SMPD2: variants seen among roughly 807,000 people sequenced by gnomAD.
SMPD2 encodes the protein N-SMase.
SMPD2 carries 35 observed loss-of-function variants against 41.7 expected under a neutral mutation model. The observed-to-expected ratio is 0.84, with a 90% CI of 0.64 to 1.11. SMPD2 has a LOEUF of 1.11. Among genes scored for constraint, SMPD2 ranks in the 50% most tolerant of loss-of-function variants. The probability of loss-of-function intolerance (pLI) is 0.00; values close to 1 mark genes in which losing one functional copy is unlikely to be tolerated. For synonymous variants in SMPD2, 201 were observed against 208.2 expected, an observed-to-expected ratio of 0.97 and a Z score of 0.30; for missense variants, 520 against 524.8, an observed-to-expected ratio of 0.99 and a Z score of 0.09.
At chr6:109,442,339 C>A in intron 5 of SMPD2, 40 bp downstream of exon 5, 1 of 1,573,098 alleles carries the variant, frequency 6.4e-7, no homozygotes, top group Non-Finnish European at 8.8e-7. Flanking sequence ...GGACATGCAG[C>A]CCAGTCCTGG....
intron 3 of SMPD2, 56 bp downstream of exon 3, chr6:109,441,684 C>A: frequency 6.7e-7 from 1 of 1,486,822 alleles, no homozygotes; most frequent in Non-Finnish European, 9.4e-7. Context: ...CTTGGCCCTG[C>A]CAGCCCTTCC....
In SMPD2 at chr6:109,440,914, G is replaced by A. The variant is rs1353418255; in HGVS notation, c.-208G>A. 23 of 574,426 alleles carry A rather than the reference G, an allele frequency of 4.0e-5. No homozygotes were observed. In the East Asian group the frequency reaches 6.4e-4, roughly 16 times the overall value. 35.6% of individuals were successfully genotyped at this position (574,426 alleles called of 1,614,324 possible). The stretch of plus-strand genomic sequence containing the variant: ...CAGCGGATCGCCTTTCCGGGTTGGC[G>A]GCCCGCCTGATTGGGAACAGCCGGC... On this transcript the variant is annotated 5_prime_UTR_variant, in exon 1 of 10. Transcript: ENST00000258052.
chr6:109,441,712 T>C, intron 3 of SMPD2, 84 bp downstream of exon 3: 1 of 1,205,628 alleles, frequency 8.3e-7, no homozygotes. Flanking sequence ...GCCTGCACTC[T>C]CCAGTCTCCT....
At position 109,442,523 on chromosome 6, in the gene SMPD2, A is replaced by G. The variant is rs1421277319; in HGVS notation, c.409-20A>G. ...GGGACCCTCAGTCTTATCTGCTGTGATCTCATCTATCTTGCTCAGCTCCAT... is the reference window on the plus strand; with the variant it reads ...GGGACCCTCAGTCTTATCTGCTGTGGTCTCATCTATCTTGCTCAGCTCCAT... On this transcript the variant is annotated intron_variant, in intron 5 of 9. Coordinates refer to ENST00000258052, the MANE Select transcript of SMPD2 (RefSeq NM_003080.3). 6.3e-7 allele frequency: 1 copy of G among 1,597,332 alleles called. No homozygotes were observed. Among genetic ancestry groups the G allele is most frequent in the Non-Finnish European group, 8.6e-7 (1 of 1,168,230 alleles).
chr6:109,442,599 A>T lies in SMPD2; in HGVS notation c.465A>T (p.Gln155His). The change falls in exon 6 of 10, where the codon CAA (glutamine) becomes CAT (histidine). Residue 155 changes from glutamine to histidine, a missense_variant. Physicochemically the swap from Gln to His is conservative, Grantham distance 24. Coordinates refer to ENST00000258052, the MANE Select transcript of SMPD2 (RefSeq NM_003080.3). ...KDIYLAHRVA[Q>H]AWELAQFIHH... ...TCTACCTAGCACATCGTGTGGCCCAAGCTTGGGAATTGGCCCAGTTCATCC... is the reference window on the plus strand; with the variant it reads ...TCTACCTAGCACATCGTGTGGCCCATGCTTGGGAATTGGCCCAGTTCATCC... 1.2e-6 allele frequency: 2 copies of T among 1,614,172 alleles called. No homozygotes were observed. Among genetic ancestry groups the T allele is most frequent in the Non-Finnish European group, 1.7e-6 (2 of 1,180,024 alleles).
At chr6:109,441,929 G>A in intron 3 of SMPD2, 45 bp from the exon 4 acceptor site, 1 of 1,539,082 alleles carries the variant, frequency 6.5e-7, no homozygotes, top group Non-Finnish European at 9.0e-7. Flanking sequence ...AAGGCTGGGT[G>A]TCTCTCCCTG....
Position 109,442,068 on chromosome 6 carries a change from G to C in SMPD2, c.318+1G>C. 1 of 1,609,944 alleles carries C rather than the reference G, an allele frequency of 6.2e-7. No individual in the cohort carries two copies. Among genetic ancestry groups the C allele is most frequent in the Non-Finnish European group, 8.5e-7 (1 of 1,176,220 alleles). On this transcript the variant is annotated splice_donor_variant, in intron 4 of 9. Transcript: ENST00000258052. LOFTEE classifies it high-confidence loss of function. ...CACTCTCAATGGCTACCCCTACATG[G>C]TAAGGCAGACCTTTGACCTCTTCCA...
intron 8 of SMPD2, 64 bp downstream of exon 8, chr6:109,443,145 A>G: frequency 1.3e-6 from 2 of 1,551,290 alleles, no homozygotes; most frequent in East Asian, 2.2e-5. Flanking sequence ...ACCTGTGTAG[A>G]TCCTTTGCTC....
rs936687711 is a variant in SMPD2, at chr6:109,440,865, C to G, written c.-257C>G. 7 of 531,502 alleles carry G rather than the reference C, an allele frequency of 1.3e-5. No homozygotes were observed. Among genetic ancestry groups the G allele is most frequent in the East Asian group, 3.5e-5 (1 of 28,812 alleles). 32.9% of individuals were successfully genotyped at this position (531,502 alleles called of 1,614,324 possible). A position where few individuals can be genotyped will look rare whatever the true frequency, so the allele number is the denominator to read the frequency against. On this transcript the variant is annotated 5_prime_UTR_variant, in exon 1 of 10. Transcript: ENST00000258052. The stretch of plus-strand genomic sequence containing the variant: ...CAGGGTCCTAGCGCGCGGCCCTTAC[C>G]GAGCCTGGGCGCCCGGATTTCGGCA...
chr6:109,440,827 C>A lies in SMPD2; in HGVS notation c.-295C>A. 2.6e-6 allele frequency: 1 copy of A among 389,124 alleles called. No individual in the cohort carries two copies. Among genetic ancestry groups the A allele is most frequent in the Non-Finnish European group, 4.5e-6 (1 of 223,218 alleles). The allele number at this position is 389,124 out of a possible 1,614,324, so 24.1% of individuals were successfully genotyped here. ...ACCGGGAGCCGCCCACCCGGGGGCGCTCTCCGGACCCCCAGGGTCCTAGCG... is the reference window on the plus strand; with the variant it reads ...ACCGGGAGCCGCCCACCCGGGGGCGATCTCCGGACCCCCAGGGTCCTAGCG... On this transcript the variant is annotated 5_prime_UTR_variant, in exon 1 of 10. Transcript: ENST00000258052.
chr6:109,443,396 C>G lies in SMPD2; in HGVS notation c.859C>G (p.Gln287Glu). 1 of 1,614,142 alleles carries G rather than the reference C, an allele frequency of 6.2e-7. No individual in the cohort carries two copies. The highest frequency in any genetic ancestry group is 8.5e-7 in the Non-Finnish European group (1 of 1,180,020). ...TCTGTTTGTGAGGCACAGCCCCCCACAGCAGAACCCCAGCTCTACCCACGG... is the reference window on the plus strand; with the variant it reads ...TCTGTTTGTGAGGCACAGCCCCCCAGAGCAGAACCCCAGCTCTACCCACGG... ...ATLFVRHSPP[Q>E]QNPSSTHGPA... Residue 287 changes from glutamine (Q) to glutamate (E), a missense_variant, in exon 9 of 10, where the codon CAG becomes GAG. Gln to Glu is a conservative substitution (Grantham distance 29). Transcript: ENST00000258052.
At position 109,440,880 on chromosome 6, in the gene SMPD2, G is replaced by C. The variant is rs1041836725; in HGVS notation, c.-242G>C. 4 of 542,068 alleles carry C rather than the reference G, an allele frequency of 7.4e-6. No individual in the cohort carries two copies. Among genetic ancestry groups the C allele is most frequent in the African/African-American group, 2.0e-5 (1 of 48,994 alleles). The allele number at this position is 542,068 out of a possible 1,614,324, so 33.6% of individuals were successfully genotyped here. On this transcript the variant is annotated 5_prime_UTR_variant, in exon 1 of 10. Coordinates refer to ENST00000258052, the MANE Select transcript of SMPD2 (RefSeq NM_003080.3). The stretch of plus-strand genomic sequence containing the variant: ...CGGCCCTTACCGAGCCTGGGCGCCC[G>C]GATTTCGGCAGCGGATCGCCTTTCC...
In SMPD2 at chr6:109,443,055, G is replaced by A. The variant is rs1395284204; in HGVS notation, c.703G>A (p.Val235Ile). ...QQELKPFPFG[V>I]RIDYVLYKAV... The stretch of plus-strand genomic sequence containing the variant: ...GGAGCTGAAGCCATTTCCCTTTGGT[G>A]TCCGCATTGACTACGTGCTTTACAA... Residue 235 changes from valine (V) to isoleucine (I), a missense_variant, in exon 8 of 10, where the codon GTC becomes ATC. Val to Ile is a conservative substitution (Grantham distance 29). Transcript: ENST00000258052. 1 of 1,614,154 alleles carries A rather than the reference G, an allele frequency of 6.2e-7. No homozygotes were observed. Among genetic ancestry groups the A allele is most frequent in the Admixed American group, 1.7e-5 (1 of 60,032 alleles).
Position 109,441,876 on chromosome 6 carries a change from G to A in SMPD2, c.225-98G>A, listed in dbSNP as rs1271787107. The A allele has an allele frequency of 2.5e-6, 3 of 1,205,882 alleles. No homozygotes were observed. In the African/African-American group the frequency reaches 4.5e-5, roughly 18 times the overall value. The allele number at this position is 1,205,882 out of a possible 1,614,324, so 74.7% of individuals were successfully genotyped here. ...AGGGCTAGTCCCAGCAGTAGAAAAA[G>A]AAAAAAATAGCTGATCAGAGCTGGA... On this transcript the variant is annotated intron_variant, in intron 3 of 9. Transcript: ENST00000258052.
rs926515094 is a variant in SMPD2 at position 109,441,011 on chromosome 6, G to A, written c.-111G>A. 4 of 1,116,158 alleles carry A rather than the reference G, an allele frequency of 3.6e-6. No individual in the cohort carries two copies. Among genetic ancestry groups the A allele is most frequent in the Non-Finnish European group, 5.3e-6 (4 of 757,116 alleles). The allele number at this position is 1,116,158 out of a possible 1,614,324, so 69.1% of individuals were successfully genotyped here. A position where few individuals can be genotyped will look rare whatever the true frequency, so the allele number is the denominator to read the frequency against. ...GGCTTGGTGCCCACCTGTGCGCGCC[G>A]CCTGCGAAGAAGGAACGGTCTGGGG... On this transcript the variant is annotated 5_prime_UTR_variant, in exon 1 of 10. Transcript: ENST00000258052.
chr6:109,442,888 A>T lies in SMPD2; in HGVS notation c.624+4A>T, dbSNP rs200396813. Reference sequence around the variant, plus strand: ...TCTTGAAACTCGGGACTTCAAGGTGAGGACTTGCCTGTTACTTCCCCACCT... The same window carrying T: ...TCTTGAAACTCGGGACTTCAAGGTGTGGACTTGCCTGTTACTTCCCCACCT... On this transcript the variant is annotated splice_donor_region_variant and intron_variant, in intron 7 of 9. Transcript: ENST00000258052. The T allele has an allele frequency of 5.0e-6, 8 of 1,611,788 alleles. No homozygotes were observed. In the East Asian group the frequency reaches 1.6e-4, roughly 31 times the overall value.
intron 1 of SMPD2, 42 bp downstream of exon 1, chr6:109,441,213 T>C (rs1185628362): frequency 1.2e-6 from 2 of 1,610,674 alleles, no homozygotes; most frequent in East Asian, 4.5e-5. Context: ...CCACCTTCCG[T>C]TCGCACCCAT....
chr6:109,441,624 CG>C lies in SMPD2; in HGVS notation c.222del (p.Ser75AlafsTer32). The stretch of plus-strand genomic sequence containing the variant: ...TACCTACCCAGCTGCACACCACTTC[CG>C]GAGGTGAGAAGCCCACTGGCCTGAA... The part of the protein sequence containing the change: ...SPTYPAAHHF[R>X]SGIIGSGLCV... On this transcript the variant is annotated frameshift_variant, in exon 3 of 10. Coordinates refer to ENST00000258052, the MANE Select transcript of SMPD2 (RefSeq NM_003080.3). LOFTEE classifies it high-confidence loss of function. The C allele has an allele frequency of 6.2e-7, 1 of 1,614,088 alleles. No homozygotes were observed. Among genetic ancestry groups the C allele is most frequent in the Non-Finnish European group, 8.5e-7 (1 of 1,179,918 alleles).
chr6:109,441,900 G>C (rs973452905), intron 3 of SMPD2, 74 bp from the exon 4 acceptor site: 36 of 1,343,962 alleles, frequency 2.7e-5, no homozygotes, highest in Non-Finnish European at 3.5e-5. Context: ...ATCAGAGCTG[G>C]AAGACAAGGG....
Sources: allele counts gnomAD v4.1 joint callset, GRCh38; gene constraint gnomAD v4.1.1; transcripts MANE v1.5; gene names NCBI Gene and HGNC (gene_info 2026-07-23, HGNC 2026-07-21).